Variants in ZNF33A observed in about 807,000 individuals in gnomAD.
ZNF33A encodes zinc finger protein 33A, also known as brain my041 protein.
In ZNF33A, 9 loss-of-function variants were observed where a neutral mutation model predicts 15.9. That is an observed-to-expected ratio of 0.57 (90% CI 0.34 to 0.99). The LOEUF (loss-of-function observed/expected upper bound fraction) is 0.99, where lower values mean the gene tolerates loss of function less well. Ranked by LOEUF, ZNF33A falls within the 50% of genes least tolerant of loss-of-function variation. The pLI, the probability that ZNF33A is intolerant of heterozygous loss-of-function variation, is 0.02. For missense variants in ZNF33A, 843 were observed against 941.6 expected (o/e 0.90, Z 1.37); for synonymous variants, 294 against 324.2 (o/e 0.91, Z 1.00).
At chr10:38,051,797 T>G (rs1251609612) in intron 4 of ZNF33A, among the ~76,000 whole-genome samples, 3 of 152,098 alleles carry the variant, frequency 2.0e-5, no homozygotes, top group Non-Finnish European at 4.4e-5. Flanking sequence ...CTGCCTCACA[T>G]TTTTATTTTG....
chr10:38,059,432 CATG>C lies in ZNF33A; in HGVS notation c.*2875_*2877del, dbSNP rs2066612161. 2 of 152,078 alleles carry C rather than the reference CATG, an allele frequency of 1.3e-5. No homozygotes were observed. Among genetic ancestry groups the C allele is most frequent in the South Asian group, 4.1e-4 (2 of 4,826 alleles). The allele number at this position is 152,078 out of a possible 1,614,324, so 9.4% of individuals were successfully genotyped here. On this transcript the variant is annotated 3_prime_UTR_variant, in exon 5 of 5. Transcript: ENST00000432900. ...GAAATACAACTTTGTTCACAAGTAACATGATTGTCTTTGTAGAGAATTCTAAAT... is the reference window on the plus strand; with the variant it reads ...GAAATACAACTTTGTTCACAAGTAACATTGTCTTTGTAGAGAATTCTAAAT...
intron 2 of ZNF33A, chr10:38,016,078 T>A (rs2064438803): frequency 1.8e-6 from 2 of 1,101,344 alleles, no homozygotes; most frequent in East Asian, 6.4e-5. Context: ...AATCTTTCCA[T>A]TTTCTACACA....
intron 4 of ZNF33A, among the ~76,000 whole-genome samples, chr10:38,043,603 C>G (rs2065813323): frequency 6.6e-6 from 1 of 152,010 alleles, no homozygotes; most frequent in Admixed American, 6.6e-5. Flanking sequence ...CCCACCTCCC[C>G]CCAACAACTC....
rs564374138 is a variant in ZNF33A, at chr10:38,036,612, A to G, written c.251-17763A>G. On this transcript the variant is annotated intron_variant, in intron 4 of 4. Coordinates refer to ENST00000432900, the MANE Select transcript of ZNF33A (RefSeq NM_006954.2). ...ACTTCCTCAACTTGGTAAAAAAAAA[A>G]TCTACAAGAAACCTACTGCTAAGAG... Among the ~76,000 whole-genome samples, 3 of 152,284 alleles carry G rather than the reference A, an allele frequency of 2.0e-5. No homozygotes were observed. The South Asian group carries it at 6.2e-4, about 32-fold the overall frequency.
At chr10:38,030,005 A>G (rs2065143639) in intron 4 of ZNF33A, among the ~76,000 whole-genome samples, 1 of 152,334 alleles carries the variant, frequency 6.6e-6, no homozygotes, top group Middle Eastern at 3.4e-3. Context: ...CAACAAACTC[A>G]TATGAGGATA....
chr10:38,014,035 ATTTTTT>A (rs10658326), intron 2 of ZNF33A, among the ~76,000 whole-genome samples: 14 of 80,386 alleles, frequency 1.7e-4, no homozygotes, highest in East Asian at 7.1e-4. Flanking sequence ...ATGATGTCTG[ATTTTTT>A]TTTTTTTTTT....
At chr10:38,042,546 A>G (rs936033776) in intron 4 of ZNF33A, among the ~76,000 whole-genome samples, 11 of 141,680 alleles carry the variant, frequency 7.8e-5, no homozygotes, top group Admixed American at 7.2e-4. Flanking sequence ...TTGTTTATCA[A>G]TGTATTTATT....
intron 4 of ZNF33A, among the ~76,000 whole-genome samples, chr10:38,051,945 A>T (rs2066228449): frequency 6.6e-6 from 1 of 152,140 alleles, no homozygotes. Flanking sequence ...TTCTGATTAA[A>T]ACTCTCAAAT....
chr10:38,063,131 G>A (rs145196022), downstream of ZNF33A, among the ~76,000 whole-genome samples: 987 of 152,018 alleles, frequency 6.5e-3, 7 homozygotes, highest in African/African-American at 0.021. Flanking sequence ...CTGTGTCCGT[G>A]TGTAGTAATA....
intron 4 of ZNF33A, among the ~76,000 whole-genome samples, chr10:38,027,623 A>G (rs930700429): frequency 3.3e-5 from 5 of 151,894 alleles, no homozygotes; most frequent in Admixed American, 1.3e-4. Context: ...CTGGGATTAC[A>G]GGTGCTATCC....
chr10:38,064,218 G>GTGACCACCATCCCCATCTTGT, downstream of ZNF33A: 1 of 1,122,996 alleles, frequency 8.9e-7, no homozygotes, highest in Non-Finnish European at 1.3e-6. Flanking sequence ...CCCACAAGAT[G>GTGACCACCATCCCCATCTTGT]GGGATGGTGG....
In ZNF33A at chr10:38,057,476, T is replaced by G. The variant is rs1406865444; in HGVS notation, c.*916T>G. The G allele has an allele frequency of 5.1e-6, 5 of 985,466 alleles. No homozygotes were observed. The highest frequency in any genetic ancestry group is 5.2e-4 in the Middle Eastern group (1 of 1,914). 61.0% of individuals were successfully genotyped at this position (985,466 alleles called of 1,614,324 possible). A position where few individuals can be genotyped will look rare whatever the true frequency, so the allele number is the denominator to read the frequency against. On this transcript the variant is annotated 3_prime_UTR_variant, in exon 5 of 5. Coordinates refer to ENST00000432900, the MANE Select transcript of ZNF33A (RefSeq NM_006954.2). ...CGTGTGTTTCATATGCATAATGGAA[T>G]TTAACGTAATTGTGAATAGGAAGTA... is the stretch of plus-strand genomic sequence containing the variant.
chr10:38,011,039 C>T (rs1235191399), intron 1 of ZNF33A, among the ~76,000 whole-genome samples: 2 of 152,194 alleles, frequency 1.3e-5, no homozygotes, highest in African/African-American at 2.4e-5. Context: ...TGCGCTTGCG[C>T]AGTCCGCGCG....
At chr10:38,052,878 A>G (rs1458690986) in intron 4 of ZNF33A, among the ~76,000 whole-genome samples, 1 of 151,958 alleles carries the variant, frequency 6.6e-6, no homozygotes, top group African/African-American at 2.4e-5. Flanking sequence ...TATGTGGATC[A>G]GGTCTTTTAT....
intron 4 of ZNF33A, chr10:38,017,627 C>T (rs1021784122): frequency 4.3e-5 from 12 of 277,320 alleles, no homozygotes; most frequent in Non-Finnish European, 7.4e-5. Context: ...ATAGTTCAGT[C>T]TTTGCCCACC....
intron 4 of ZNF33A, among the ~76,000 whole-genome samples, chr10:38,035,111 C>CTTTTTT (rs71007683): frequency 0.027 from 2,301 of 85,666 alleles, 21 homozygotes; most frequent in East Asian, 0.047. Flanking sequence ...CATTTACTTT[C>CTTTTTT]TTTTTTTTTT....
intron 4 of ZNF33A, among the ~76,000 whole-genome samples, chr10:38,033,228 CT>C (rs1426704077): frequency 6.6e-6 from 1 of 152,164 alleles, no homozygotes; most frequent in Non-Finnish European, 1.5e-5. Flanking sequence ...TTCTGCCTGG[CT>C]TCTTTTTCTT....
intron 4 of ZNF33A, among the ~76,000 whole-genome samples, chr10:38,035,203 C>T (rs1168775571): frequency 9.4e-5 from 14 of 148,474 alleles, no homozygotes; most frequent in Non-Finnish European, 1.6e-4. Context: ...CGGCAACCTC[C>T]GCCTCCTGGG....
chr10:38,050,489 T>A (rs2066152902), intron 4 of ZNF33A, among the ~76,000 whole-genome samples: 1 of 152,240 alleles, frequency 6.6e-6, no homozygotes, highest in South Asian at 2.1e-4. Context: ...TTCACAGTTT[T>A]ATCTTTGAAC....
Sources: allele counts gnomAD v4.1 joint callset (sites outside exome capture counted in the v4.1 genomes callset), GRCh38; gene constraint gnomAD v4.1.1; transcripts MANE v1.5; gene names NCBI Gene and HGNC (gene_info 2026-07-23, HGNC 2026-07-21).